The following AGBL1 variants were observed in gnomAD, a reference collection of about 807,000 sequenced individuals.
The protein encoded by AGBL1 is cytosolic carboxypeptidase 4.
A neutral mutation model predicts 118.9 loss-of-function variants in AGBL1; 130 were observed. The ratio of observed to expected loss-of-function variants is 1.09; its 90% confidence interval spans 0.95 to 1.26. The LOEUF is 1.26. AGBL1 is among the 50% of genes most tolerant of loss of function. The probability of loss-of-function intolerance (pLI) is 0.00; values close to 1 mark genes in which losing one functional copy is unlikely to be tolerated. For synonymous variants in AGBL1, 555 were observed against 478.9 expected (o/e 1.16, Z -2.08); for missense variants, 1,584 against 1,298.1 (o/e 1.22, Z -3.38).
At chr15:86,350,841 G>A (rs923424926) in intron 17 of AGBL1, among the ~76,000 whole-genome samples, 4 of 152,212 alleles carry the variant, frequency 2.6e-5, no homozygotes, top group African/African-American at 9.6e-5. Flanking sequence ...CAGCTTCTCT[G>A]TGAAACTATT....
intron 23 of AGBL1, among the ~76,000 whole-genome samples, chr15:86,971,443 T>C (rs1198854789): frequency 6.6e-6 from 1 of 151,936 alleles, no homozygotes; most frequent in African/African-American, 2.4e-5. Flanking sequence ...CCAGTTGATA[T>C]TAATGCTAAA....
intron 21 of AGBL1, among the ~76,000 whole-genome samples, chr15:86,623,285 G>T (rs1349463314): frequency 6.6e-6 from 1 of 152,176 alleles, no homozygotes; most frequent in Non-Finnish European, 1.5e-5. Flanking sequence ...TGTAGAGCCT[G>T]GTTGGCCAGG....
intron 17 of AGBL1, among the ~76,000 whole-genome samples, chr15:86,367,535 C>G (rs1030447229): frequency 3.3e-5 from 5 of 151,692 alleles, no homozygotes; most frequent in African/African-American, 1.2e-4. Context: ...TGCCCAAAAC[C>G]TAGGGATCAT....
At chr15:86,115,400 ATTTC>A (rs1454464382) in intron 1 of AGBL1, among the ~76,000 whole-genome samples, 1 of 152,148 alleles carries the variant, frequency 6.6e-6, no homozygotes, top group African/African-American at 2.4e-5. Context: ...TTTATTGGCT[ATTTC>A]TTTCTTTCTT....
At chr15:86,194,446 C>G (rs1270430395) in intron 5 of AGBL1, among the ~76,000 whole-genome samples, 1 of 152,180 alleles carries the variant, frequency 6.6e-6, no homozygotes, top group Non-Finnish European at 1.5e-5. Flanking sequence ...CTTGCTAGAT[C>G]ATAACATTAC....
chr15:86,477,267 C>G (rs975194114), intron 18 of AGBL1, among the ~76,000 whole-genome samples: 2 of 151,692 alleles, frequency 1.3e-5, no homozygotes, highest in Non-Finnish European at 2.9e-5. Context: ...CACAAAAAAA[C>G]CCTTCAAAAA....
intron 1 of AGBL1, among the ~76,000 whole-genome samples, chr15:86,081,427 G>T (rs1007404003): frequency 6.6e-6 from 1 of 152,166 alleles, no homozygotes; most frequent in African/African-American, 2.4e-5. Context: ...ATAAGGAAAC[G>T]GAATCTCAGA....
Position 86,908,206 on chromosome 15 carries a change from A to C in AGBL1, c.*912A>C, listed in dbSNP as rs2080306414. 1 of 152,238 alleles carries C rather than the reference A, an allele frequency of 6.6e-6. No homozygotes were observed. The highest frequency in any genetic ancestry group is 2.4e-5 in the African/African-American group (1 of 41,468). The allele number at this position is 152,238 out of a possible 1,614,324, so 9.4% of individuals were successfully genotyped here. On this transcript the variant is annotated 3_prime_UTR_variant, in exon 23 of 23. Coordinates refer to ENST00000614907, the MANE Select transcript of AGBL1 (RefSeq NM_001386094.1). ...AATGAGATGATATATAAAAGTGTAT[A>C]GCTTAGCATTTGGTACACAACAACA... is the stretch of plus-strand genomic sequence containing the variant.
intron 18 of AGBL1, among the ~76,000 whole-genome samples, chr15:86,516,491 A>C (rs2083122454): frequency 1.3e-5 from 2 of 152,120 alleles, no homozygotes; most frequent in Admixed American, 6.5e-5. Flanking sequence ...TGTGGGAACA[A>C]GTGTTGTGTA....
intron 23 of AGBL1, among the ~76,000 whole-genome samples, chr15:86,962,544 ACTT>A (rs1374906698): frequency 1.3e-5 from 2 of 152,012 alleles, no homozygotes; most frequent in South Asian, 2.1e-4. Flanking sequence ...TATTAATAAC[ACTT>A]CTTGGAAATT....
chr15:86,477,938 C>G (rs1403462988), intron 18 of AGBL1, among the ~76,000 whole-genome samples: 1 of 152,132 alleles, frequency 6.6e-6, no homozygotes, highest in Non-Finnish European at 1.5e-5. Flanking sequence ...ATACGCAAAT[C>G]AAGAAACATA....
intron 13 of AGBL1, among the ~76,000 whole-genome samples, chr15:86,269,091 T>C (rs1043423280): frequency 2.0e-5 from 3 of 152,164 alleles, no homozygotes; most frequent in Non-Finnish European, 4.4e-5. Context: ...GAGGGCCTCC[T>C]GGGGTGCTGG....
chr15:86,737,889 C>A (rs2077624112), intron 22 of AGBL1, among the ~76,000 whole-genome samples: 1 of 151,192 alleles, frequency 6.6e-6, no homozygotes, highest in African/African-American at 2.4e-5. Context: ...TGCAAAAATC[C>A]CCAACAAAAT....
chr15:86,590,040 G>A (rs1268104299), intron 21 of AGBL1, among the ~76,000 whole-genome samples: 3 of 152,170 alleles, frequency 2.0e-5, no homozygotes, highest in Admixed American at 6.5e-5. Context: ...AAGATAAAAG[G>A]AATCCAGTTT....
chr15:86,274,500 A>G lies in AGBL1; in HGVS notation c.2075+2794A>G, dbSNP rs572752352. 2.6e-5 allele frequency among the ~76,000 whole-genome samples: 4 copies of G among 152,318 alleles called. No individual in the cohort carries two copies. In the South Asian group the frequency reaches 6.2e-4, roughly 24 times the overall value. ...TGAGGTTTAGTTTAATTTAGGTAATACAATCTGTAAATGAAAGTAAGCTTC... is the reference window on the plus strand; with the variant it reads ...TGAGGTTTAGTTTAATTTAGGTAATGCAATCTGTAAATGAAAGTAAGCTTC... On this transcript the variant is annotated intron_variant, in intron 15 of 22. Coordinates refer to ENST00000614907, the MANE Select transcript of AGBL1 (RefSeq NM_001386094.1).
At chr15:86,220,545 C>T (rs571637631) in intron 5 of AGBL1, among the ~76,000 whole-genome samples, 21 of 152,254 alleles carry the variant, frequency 1.4e-4, no homozygotes, top group African/African-American at 4.6e-4. Context: ...TTGCTAAAAT[C>T]TTAACGAGAG....
intron 5 of AGBL1, among the ~76,000 whole-genome samples, chr15:86,218,755 C>G (rs1188064927): frequency 6.6e-6 from 1 of 152,208 alleles, no homozygotes; most frequent in Non-Finnish European, 1.5e-5. Context: ...AGTGGTCTTA[C>G]TGTCTGTTGA....
intron 23 of AGBL1, among the ~76,000 whole-genome samples, chr15:86,929,723 G>A (rs2080583030): frequency 6.6e-6 from 1 of 152,190 alleles, no homozygotes; most frequent in Non-Finnish European, 1.5e-5. Flanking sequence ...GCTTTCCAGA[G>A]AGCCAGCGTG....
intron 22 of AGBL1, among the ~76,000 whole-genome samples, chr15:86,838,710 C>A (rs562377162): frequency 1.6e-4 from 25 of 151,678 alleles, no homozygotes; most frequent in South Asian, 8.4e-4. Flanking sequence ...GAGGCCGAGG[C>A]AGAAAGACTG....
Sources: allele counts gnomAD v4.1 joint callset (sites outside exome capture counted in the v4.1 genomes callset), GRCh38; gene constraint gnomAD v4.1.1; transcripts MANE v1.5; gene names NCBI Gene and HGNC (gene_info 2026-07-23, HGNC 2026-07-21).